GLMN: variants seen among roughly 807,000 people sequenced by gnomAD.
GLMN encodes the protein glomulin.
A neutral mutation model predicts 87.8 loss-of-function variants in GLMN; 75 were observed. The ratio of observed to expected loss-of-function variants is 0.85; its 90% confidence interval spans 0.71 to 1.04. GLMN has a LOEUF of 1.04. Among genes scored for constraint, GLMN ranks in the 50% least tolerant of loss-of-function variants. The pLI is 0.00. For missense variants in GLMN, 588 were observed against 658.8 expected (o/e 0.89, Z 1.18); for synonymous variants, 206 against 221.6 (o/e 0.93, Z 0.63).
chr1:92,320,760 C>T, the GLMN span: 2 of 609,436 alleles, frequency 3.3e-6, no homozygotes, highest in East Asian at 2.8e-5. Context: ...CCCATTCTAG[C>T]CCACACAAAG....
the GLMN span, among the ~76,000 whole-genome samples, chr1:92,358,373 T>TC: frequency 6.6e-6 from 1 of 152,170 alleles, no homozygotes; most frequent in Non-Finnish European, 1.5e-5. Flanking sequence ...TAATTCCTCT[T>TC]CATCTTTCAG....
chr1:92,295,616 C>T (rs1464672122), intron 3 of GLMN, among the ~76,000 whole-genome samples: 1 of 152,148 alleles, frequency 6.6e-6, no homozygotes, highest in African/African-American at 2.4e-5. Context: ...CAAGCAATCC[C>T]CTGTATTCTA....
the GLMN span, among the ~76,000 whole-genome samples, chr1:92,347,753 T>G: frequency 6.6e-6 from 1 of 152,202 alleles, no homozygotes; most frequent in Admixed American, 6.5e-5. Context: ...TGCTAGTCCT[T>G]TTAGGCACTG....
chr1:92,339,338 C>A, the GLMN span, among the ~76,000 whole-genome samples: 1 of 150,086 alleles, frequency 6.7e-6, no homozygotes, highest in African/African-American at 2.5e-5. Flanking sequence ...AACCGCCCCC[C>A]AATCCCCCAA....
the GLMN span, among the ~76,000 whole-genome samples, chr1:92,357,925 T>G: frequency 6.6e-6 from 1 of 152,208 alleles, no homozygotes; most frequent in Non-Finnish European, 1.5e-5. Context: ...GGAGTTTCAT[T>G]TGCTCGTTTG....
At chr1:92,364,914 C>G in the GLMN span, among the ~76,000 whole-genome samples, 1 of 152,138 alleles carries the variant, frequency 6.6e-6, no homozygotes, top group Non-Finnish European at 1.5e-5. Context: ...CAGCTCCTAC[C>G]AGATAATTTT....
At chr1:92,259,689 C>T (rs1654747856) in intron 16 of GLMN, among the ~76,000 whole-genome samples, 1 of 151,138 alleles carries the variant, frequency 6.6e-6, no homozygotes, top group South Asian at 2.1e-4. Context: ...CCCCATATTT[C>T]AGCATCACCA....
chr1:92,324,906 T>G, the GLMN span, among the ~76,000 whole-genome samples: 1 of 152,224 alleles, frequency 6.6e-6, no homozygotes, highest in Non-Finnish European at 1.5e-5. Flanking sequence ...AGACCTAGAT[T>G]TGAACATCTG....
At chr1:92,334,913 A>G in the GLMN span, among the ~76,000 whole-genome samples, 12 of 152,122 alleles carry the variant, frequency 7.9e-5, no homozygotes, top group Non-Finnish European at 1.3e-4. Flanking sequence ...GCCCGAACCC[A>G]GGAGGCGGAG....
At chr1:92,283,376 T>C (rs1378153588) in intron 7 of GLMN, among the ~76,000 whole-genome samples, 2 of 152,210 alleles carry the variant, frequency 1.3e-5, no homozygotes, top group African/African-American at 4.8e-5. Flanking sequence ...AACCACATGA[T>C]TATCTTAATA....
At chr1:92,333,413 T>C in the GLMN span, 1 of 1,613,572 alleles carries the variant, frequency 6.2e-7, no homozygotes, top group Non-Finnish European at 8.5e-7. Context: ...TTTCCACTGA[T>C]AGACTCAAGT....
At chr1:92,309,163 G>C in the GLMN span, among the ~76,000 whole-genome samples, 1 of 152,116 alleles carries the variant, frequency 6.6e-6, no homozygotes, top group Admixed American at 6.6e-5. Flanking sequence ...TGTCCTTTGT[G>C]CCGGGCGTGG....
chr1:92,337,345 A>G, the GLMN span, among the ~76,000 whole-genome samples: 1 of 152,148 alleles, frequency 6.6e-6, no homozygotes, highest in Non-Finnish European at 1.5e-5. Context: ...AACACCTAAT[A>G]GACATCATTT....
chr1:92,266,558 C>T (rs1414410727), intron 12 of GLMN, 66 bp from the exon 13 acceptor site: 1 of 1,051,532 alleles, frequency 9.5e-7, no homozygotes, highest in East Asian at 2.5e-5. Context: ...CATCACTATC[C>T]ATTTTATGCA....
At chr1:92,310,772 C>T in the GLMN span, among the ~76,000 whole-genome samples, 1 of 152,084 alleles carries the variant, frequency 6.6e-6, no homozygotes, top group African/African-American at 2.4e-5. Context: ...TGGAACATGC[C>T]TGTAGCCCCA....
At chr1:92,293,057 C>T (rs1649604870) in intron 3 of GLMN, among the ~76,000 whole-genome samples, 1 of 151,770 alleles carries the variant, frequency 6.6e-6, no homozygotes, top group Non-Finnish European at 1.5e-5. Flanking sequence ...GCAGATCTAA[C>T]CCATCTGACA....
chr1:92,249,910 T>C (rs181137715), intron 16 of GLMN, among the ~76,000 whole-genome samples: 7 of 152,180 alleles, frequency 4.6e-5, no homozygotes, highest in Non-Finnish European at 1.0e-4. Flanking sequence ...TGTAATGACA[T>C]GTAGGTCCAT....
the GLMN span, among the ~76,000 whole-genome samples, chr1:92,354,594 C>T: frequency 2.6e-5 from 4 of 152,222 alleles, no homozygotes. Context: ...AAACCTAAAG[C>T]ATTAAATGCA....
Position 92,271,652 on chromosome 1 carries a change from C to T in GLMN, c.736G>A (p.Gly246Ser). Residue 246 changes from glycine to serine, a missense_variant and splice_region_variant, in exon 8 of 19, where the codon GGT (glycine) becomes AGT (serine). By Grantham distance (56) the Gly-to-Ser change is moderately conservative (BLOSUM62 0). Coordinates refer to ENST00000370360, the MANE Select transcript of GLMN (RefSeq NM_053274.3). ...GGGTGTCCAATTGCTGATAAAAAAC[C>T]CTATGAAATGGATAAAAAAGGAAAC... is the stretch of plus-strand genomic sequence containing the variant. ...PFRYFASEII[G>S]FLSAIGHPFP... 6.2e-7 allele frequency: 1 copy of T among 1,606,774 alleles called. No individual in the cohort carries two copies. The highest frequency in any genetic ancestry group is 8.5e-7 in the Non-Finnish European group (1 of 1,173,670).
Sources: allele counts gnomAD v4.1 joint callset (sites outside exome capture counted in the v4.1 genomes callset), GRCh38; gene constraint gnomAD v4.1.1; transcripts MANE v1.5; gene names NCBI Gene and HGNC (gene_info 2026-07-23, HGNC 2026-07-21).